Variants in ULK4 observed in about 807,000 individuals in gnomAD.
ULK4 encodes unc-51 like kinase 4.
Under a neutral mutation model 160.6 loss-of-function variants are expected in ULK4, and 133 were observed. The ratio of observed to expected loss-of-function variants is 0.83; its 90% confidence interval spans 0.72 to 0.96. The LOEUF (loss-of-function observed/expected upper bound fraction) is 0.96. Ranked by LOEUF, ULK4 falls within the 40% of genes least tolerant of loss-of-function variation. ULK4 has a pLI of 0.00. For synonymous variants in ULK4, 534 were observed against 539.8 expected, an observed-to-expected ratio of 0.99 and a Z score of 0.15; for missense variants, 1,580 against 1,499.5, an observed-to-expected ratio of 1.05 and a Z score of -0.89.
intron 34 of ULK4, among the ~76,000 whole-genome samples, chr3:41,412,553 A>ATTTTTTTCTTTTTTTTTTTTTTTTT (rs2082429333): frequency 2.0e-5 from 2 of 100,454 alleles, no homozygotes; most frequent in African/African-American, 8.3e-5. Context: ...ATGCAGTTGA[A>ATTTTTTTCTTTTTTTTTTTTTTTTT]TTTTTTTTTT....
At chr3:41,818,539 G>C (rs1434901490) in intron 19 of ULK4, among the ~76,000 whole-genome samples, 1 of 152,098 alleles carries the variant, frequency 6.6e-6, no homozygotes, top group Non-Finnish European at 1.5e-5. Flanking sequence ...AAGTACAATT[G>C]ATAATATACA....
chr3:41,583,781 A>C (rs1476082963), intron 31 of ULK4, among the ~76,000 whole-genome samples: 2 of 152,190 alleles, frequency 1.3e-5, no homozygotes, highest in African/African-American at 4.8e-5. Context: ...TTCTAACAGG[A>C]TGCTCTTGCA....
At chr3:41,608,623 T>C (rs886635293) in intron 31 of ULK4, among the ~76,000 whole-genome samples, 3 of 152,226 alleles carry the variant, frequency 2.0e-5, no homozygotes. Flanking sequence ...TTGGGAGTAG[T>C]GTGATGGAGC....
intron 17 of ULK4, among the ~76,000 whole-genome samples, chr3:41,877,090 T>C (rs1377954331): frequency 6.6e-6 from 1 of 152,110 alleles, no homozygotes; most frequent in South Asian, 2.1e-4. Context: ...CTAAAAAAAA[T>C]TGAAAACATA....
chr3:41,502,209 T>C (rs2085234775), intron 32 of ULK4, among the ~76,000 whole-genome samples: 1 of 152,248 alleles, frequency 6.6e-6, no homozygotes, highest in Non-Finnish European at 1.5e-5. Context: ...GTTGGATATA[T>C]TCCCAGAAGT....
At chr3:41,814,576 C>T (rs1457608868) in intron 19 of ULK4, among the ~76,000 whole-genome samples, 1 of 152,082 alleles carries the variant, frequency 6.6e-6, no homozygotes, top group Non-Finnish European at 1.5e-5. Context: ...TCTGTTTTAT[C>T]AGATACTGAG....
At chr3:41,705,375 A>AT (rs2036840420) in intron 25 of ULK4, 70 bp from the exon 26 acceptor site, 17 of 1,258,500 alleles carry the variant, frequency 1.4e-5, no homozygotes, top group Non-Finnish European at 1.8e-5. Context: ...GGTAGTTTAC[A>AT]TTTTGCCCAA....
chr3:41,459,279 G>C (rs1201185448), intron 33 of ULK4, among the ~76,000 whole-genome samples: 1 of 152,078 alleles, frequency 6.6e-6, no homozygotes, highest in Non-Finnish European at 1.5e-5. Context: ...TGGCCAGGCT[G>C]GTCTTGAACT....
intron 18 of ULK4, among the ~76,000 whole-genome samples, chr3:41,833,029 C>G (rs1288000254): frequency 6.6e-6 from 1 of 151,868 alleles, no homozygotes; most frequent in African/African-American, 2.4e-5. Context: ...CTCTGTGGTT[C>G]CATATGAAAT....
intron 31 of ULK4, among the ~76,000 whole-genome samples, chr3:41,576,658 T>C (rs2088199449): frequency 6.6e-6 from 1 of 152,192 alleles, no homozygotes; most frequent in Non-Finnish European, 1.5e-5. Context: ...TGTGAAGAAC[T>C]ACAAAAGGAT....
intron 31 of ULK4, among the ~76,000 whole-genome samples, chr3:41,607,985 C>A (rs2032466243): frequency 6.6e-6 from 1 of 152,108 alleles, no homozygotes; most frequent in African/African-American, 2.4e-5. Context: ...TTATGAGAGA[C>A]CACCACATGC....
At chr3:41,761,317 T>C (rs1305372709) in intron 21 of ULK4, among the ~76,000 whole-genome samples, 2 of 127,316 alleles carry the variant, frequency 1.6e-5, no homozygotes, top group East Asian at 4.0e-4. Flanking sequence ...ATACATTATA[T>C]ACTATGTTAT....
At chr3:41,490,445 C>A (rs9867175) in intron 32 of ULK4, among the ~76,000 whole-genome samples, 3 of 152,312 alleles carry the variant, frequency 2.0e-5, no homozygotes, top group African/African-American at 7.2e-5. Context: ...TTCTTTTCAA[C>A]TGAAGTGCTC....
chr3:41,803,609 A>G (rs1048120868), intron 19 of ULK4, among the ~76,000 whole-genome samples: 1 of 152,118 alleles, frequency 6.6e-6, no homozygotes, highest in Non-Finnish European at 1.5e-5. Context: ...AACATTAGGT[A>G]TATCTGCTAA....
intron 32 of ULK4, among the ~76,000 whole-genome samples, chr3:41,558,563 G>A (rs940910560): frequency 1.3e-5 from 2 of 151,914 alleles, no homozygotes; most frequent in South Asian, 2.1e-4. Context: ...AATTAGCCGG[G>A]CATGGTGGTG....
At chr3:41,901,489 T>TTTTTTTTTTTTTTTTTTTTTTTTTG (rs1698361493) in intron 12 of ULK4, among the ~76,000 whole-genome samples, 1 of 87,440 alleles carries the variant, frequency 1.1e-5, no homozygotes, top group African/African-American at 3.0e-5. Flanking sequence ...CTTTTTTTTT[T>TTTTTTTTTTTTTTTTTTTTTTTTTG]TTTTTTTTTG....
chr3:41,594,251 T>C (rs1268035288), intron 31 of ULK4, among the ~76,000 whole-genome samples: 3 of 152,110 alleles, frequency 2.0e-5, no homozygotes, highest in Admixed American at 6.5e-5. Context: ...GGAAGGGCAC[T>C]ATGGGCTGGG....
intron 34 of ULK4, among the ~76,000 whole-genome samples, chr3:41,423,609 G>A (rs980767219): frequency 6.8e-6 from 1 of 147,452 alleles, no homozygotes; most frequent in African/African-American, 2.5e-5. Flanking sequence ...AATAGAAACA[G>A]TTGCAGTTGG....
At chr3:41,328,676 TAC>T (rs1396149772) in intron 35 of ULK4, among the ~76,000 whole-genome samples, 1 of 152,164 alleles carries the variant, frequency 6.6e-6, no homozygotes, top group African/African-American at 2.4e-5. Flanking sequence ...AGCTTCCTGA[TAC>T]GAGATTTGTT....
Sources: gnomAD v4.1 joint callset for allele counts (sites outside exome capture counted in the v4.1 genomes callset) on GRCh38, gnomAD v4.1.1 for gene constraint, MANE v1.5 for transcripts, NCBI Gene and HGNC (gene_info 2026-07-23, HGNC 2026-07-21) for gene names.